The following FGGY variants were observed in gnomAD, a reference collection of about 807,000 sequenced individuals.
The protein encoded by FGGY is FGGY carbohydrate kinase domain-containing protein.
A neutral mutation model predicts 71.3 loss-of-function variants in FGGY; 72 were observed. The observed-to-expected ratio is 1.01, with a 90% CI of 0.84 to 1.23. The LOEUF (loss-of-function observed/expected upper bound fraction) is 1.23. Ranked by LOEUF, FGGY falls within the 50% of genes most tolerant of loss-of-function variation. FGGY has a pLI of 0.00. For missense variants in FGGY, 668 were observed against 682.3 expected (o/e 0.98, Z 0.23); for synonymous variants, 251 against 250.3 (o/e 1.00, Z -0.02).
At chr1:59,598,508 C>CCCTCTAT (rs1409749446) in intron 8 of FGGY, among the ~76,000 whole-genome samples, 2 of 152,194 alleles carry the variant, frequency 1.3e-5, no homozygotes, top group Non-Finnish European at 2.9e-5. Context: ...TTGGCTGCCT[C>CCCTCTAT]CCTCTATCCA....
intron 11 of FGGY, among the ~76,000 whole-genome samples, chr1:59,650,933 A>T (rs1328970704): frequency 6.6e-6 from 1 of 150,908 alleles, no homozygotes; most frequent in Admixed American, 6.6e-5. Flanking sequence ...TGTGTCCCAG[A>T]GATTCTGGTA....
intron 4 of FGGY, among the ~76,000 whole-genome samples, chr1:59,372,829 TGCA>T (rs1291275756): frequency 3.3e-5 from 5 of 152,012 alleles, no homozygotes; most frequent in African/African-American, 1.2e-4. Context: ...TCTCAATAGA[TGCA>T]GAAAAGGCCT....
At chr1:59,322,977 G>A (rs1032309031) in intron 2 of FGGY, among the ~76,000 whole-genome samples, 33 of 152,284 alleles carry the variant, frequency 2.2e-4, no homozygotes, top group African/African-American at 7.7e-4. Flanking sequence ...AAACTTTAAT[G>A]AATTCTGGGC....
intron 6 of FGGY, among the ~76,000 whole-genome samples, chr1:59,473,362 C>T (rs928543034): frequency 2.0e-5 from 3 of 152,258 alleles, no homozygotes; most frequent in Non-Finnish European, 4.4e-5. Context: ...GAAGAAACTC[C>T]GAACACATCT....
At chr1:59,731,180 G>C (rs1334087235) in intron 14 of FGGY, among the ~76,000 whole-genome samples, 1 of 152,202 alleles carries the variant, frequency 6.6e-6, no homozygotes, top group Non-Finnish European at 1.5e-5. Context: ...TTTTCTTTAA[G>C]ATTTCAGCCC....
At chr1:59,467,267 G>A (rs34057760) in intron 6 of FGGY, among the ~76,000 whole-genome samples, 4,231 of 152,036 alleles carry the variant, frequency 0.028, 88 homozygotes, top group Middle Eastern at 0.041. Context: ...AACCAAACAC[G>A]GCATGTTCTC....
intron 10 of FGGY, among the ~76,000 whole-genome samples, chr1:59,636,717 G>A (rs983245248): frequency 5.3e-5 from 8 of 152,144 alleles, no homozygotes; most frequent in African/African-American, 1.9e-4. Context: ...TCTACTCATT[G>A]GTTTGTTTCC....
chr1:59,720,334 A>G (rs1409384268), intron 14 of FGGY, among the ~76,000 whole-genome samples: 2 of 152,248 alleles, frequency 1.3e-5, no homozygotes, highest in Non-Finnish European at 2.9e-5. Context: ...TCAGGGGGAA[A>G]AAAAGGTCCT....
intron 5 of FGGY, among the ~76,000 whole-genome samples, chr1:59,408,749 G>T (rs1444126536): frequency 6.6e-6 from 1 of 152,108 alleles, no homozygotes; most frequent in African/African-American, 2.4e-5. Context: ...CAAACGGCTG[G>T]TGTGTTTTGG....
rs535586927 is a variant in FGGY, at chr1:59,407,623, A to C, written c.554+28786A>C. Among the ~76,000 whole-genome samples, 143 of 152,082 alleles carry C rather than the reference A, an allele frequency of 9.4e-4. 1 individual carries two copies. The highest frequency in any genetic ancestry group is 3.3e-3 in the African/African-American group (137 of 41,480). On this transcript the variant is annotated intron_variant, in intron 5 of 15. Coordinates refer to ENST00000303721, the MANE Select transcript of FGGY (RefSeq NM_018291.5). ...ACAGGGCCTCCTTCCCTAGGATATAATTTTTTCTGGCCTCTTTCCATTCAC... is the reference window on the plus strand; with the variant it reads ...ACAGGGCCTCCTTCCCTAGGATATACTTTTTTCTGGCCTCTTTCCATTCAC...
intron 7 of FGGY, among the ~76,000 whole-genome samples, chr1:59,537,207 A>G (rs2095341411): frequency 6.6e-6 from 1 of 151,810 alleles, no homozygotes; most frequent in Admixed American, 6.6e-5. Context: ...CCAATAACAG[A>G]CAAACAGAGA....
intron 14 of FGGY, among the ~76,000 whole-genome samples, chr1:59,710,928 A>G (rs1248514397): frequency 6.6e-6 from 1 of 152,226 alleles, no homozygotes. Flanking sequence ...TGACCCAGCA[A>G]TCCCATTACT....
chr1:59,489,321 C>G (rs687890), intron 6 of FGGY, among the ~76,000 whole-genome samples: 66,960 of 151,684 alleles, frequency 0.44, 15,026 homozygotes, highest in Middle Eastern at 0.52. Flanking sequence ...ACTTATTACT[C>G]GCATCTAGCT....
At chr1:59,655,671 T>G (rs917921625) in intron 11 of FGGY, among the ~76,000 whole-genome samples, 5 of 152,196 alleles carry the variant, frequency 3.3e-5, no homozygotes, top group African/African-American at 7.2e-5. Flanking sequence ...AAATGAACAT[T>G]TAAATGCCAC....
chr1:59,618,434 G>A (rs2096778192), intron 9 of FGGY, among the ~76,000 whole-genome samples: 1 of 152,030 alleles, frequency 6.6e-6, no homozygotes, highest in Non-Finnish European at 1.5e-5. Flanking sequence ...ACCCAAGCTG[G>A]CCACCAGAGG....
chr1:59,614,259 G>C (rs907051116), intron 9 of FGGY, among the ~76,000 whole-genome samples: 1 of 152,196 alleles, frequency 6.6e-6, no homozygotes, highest in African/African-American at 2.4e-5. Context: ...ATAAAATATT[G>C]GCAAACTGAA....
chr1:59,532,348 C>A (rs1174808254), intron 7 of FGGY, among the ~76,000 whole-genome samples: 2 of 151,988 alleles, frequency 1.3e-5, no homozygotes, highest in African/African-American at 4.8e-5. Flanking sequence ...AATACACAAA[C>A]AAGTATGAGA....
At chr1:59,316,706 C>G (rs1456088403) in intron 1 of FGGY, among the ~76,000 whole-genome samples, 2 of 152,158 alleles carry the variant, frequency 1.3e-5, no homozygotes, top group African/African-American at 4.8e-5. Context: ...GGCTAAAAGT[C>G]AGTCCAGTCC....
chr1:59,607,569 C>T (rs2096635291), intron 8 of FGGY, among the ~76,000 whole-genome samples: 1 of 152,158 alleles, frequency 6.6e-6, no homozygotes, highest in Non-Finnish European at 1.5e-5. Context: ...AGGGAAACAC[C>T]TTATCAGTTT....
Sources: gnomAD v4.1 joint callset for allele counts (sites outside exome capture counted in the v4.1 genomes callset) on GRCh38, gnomAD v4.1.1 for gene constraint, MANE v1.5 for transcripts, NCBI Gene and HGNC (gene_info 2026-07-23, HGNC 2026-07-21) for gene names.